The following NR1H4 variants were observed in gnomAD, a reference collection of about 807,000 sequenced individuals.
NR1H4 encodes nuclear receptor subfamily 1 group H member 4, also known as bile acid receptor.
In NR1H4, 23 loss-of-function variants were observed where a neutral mutation model predicts 58.5. The observed-to-expected ratio is 0.39, with a 90% CI of 0.28 to 0.56. The LOEUF (loss-of-function observed/expected upper bound fraction) is 0.56, where lower values mean the gene tolerates loss of function less well. Among genes scored for constraint, NR1H4 ranks in the 20% least tolerant of loss-of-function variants. The probability of loss-of-function intolerance (pLI) is 0.58; values close to 1 mark genes in which losing one functional copy is unlikely to be tolerated. For missense variants in NR1H4, 487 were observed against 576.9 expected (o/e 0.84, Z 1.60); for synonymous variants, 214 against 198.0 (o/e 1.08, Z -0.68).
In NR1H4 at chr12:100,549,430, T is replaced by C. The variant is rs78431733; in HGVS notation, c.1078+8612T>C. Among the ~76,000 whole-genome samples, 3,657 of 152,220 alleles carry C rather than the reference T, an allele frequency of 0.024. 309 individuals carry two copies. The East Asian group carries it at 0.3, about 12-fold the overall frequency. Reference sequence around the variant, plus strand: ...CACCTTCCCTGTAAGTGAATAATCCTGAAGTGTTACACATAACTTCTACTG... The same window carrying C: ...CACCTTCCCTGTAAGTGAATAATCCCGAAGTGTTACACATAACTTCTACTG... On this transcript the variant is annotated intron_variant, in intron 9 of 10. Transcript: ENST00000392986.
intron 1 of NR1H4, among the ~76,000 whole-genome samples, chr12:100,482,190 G>A (rs1161442555): frequency 6.6e-6 from 1 of 152,136 alleles, no homozygotes; most frequent in Non-Finnish European, 1.5e-5. Flanking sequence ...GTTCCCATGG[G>A]GAGACTGGAA....
chr12:100,531,046 A>G (rs1208520048), intron 4 of NR1H4, among the ~76,000 whole-genome samples: 2 of 152,232 alleles, frequency 1.3e-5, no homozygotes, highest in Non-Finnish European at 2.9e-5. Flanking sequence ...CCATGTGAAG[A>G]GAACCACATA....
rs1372401367 is a variant in NR1H4, at chr12:100,532,598, T to C, written c.586T>C (p.Cys196Arg). ...KCKEMGMLAECMYTGLLTEIQ... is the reference protein window; with the variant it reads ...KCKEMGMLAERMYTGLLTEIQ... ...CAAAGAGATGGGAATGTTGGCTGAA[T>C]GTATGTATACAGGTATTCACTTCAA... Residue 196 changes from cysteine to arginine, a missense_variant, in exon 5 of 11, where the codon TGT becomes CGT. Coordinates refer to ENST00000392986, the MANE Select transcript of NR1H4 (RefSeq NM_001206979.2). 1.2e-6 allele frequency: 2 copies of C among 1,614,108 alleles called. No individual in the cohort carries two copies. Among genetic ancestry groups the C allele is most frequent in the Non-Finnish European group, 1.7e-6 (2 of 1,179,958 alleles).
chr12:100,535,142 T>C lies in NR1H4; in HGVS notation c.732+119T>C, dbSNP rs993791296. ...AGGCACAGCTGAATTTCTAGTCCAATTGTTCATTAAAATGGATTCCTAATA... is the reference window on the plus strand; with the variant it reads ...AGGCACAGCTGAATTTCTAGTCCAACTGTTCATTAAAATGGATTCCTAATA... On this transcript the variant is annotated intron_variant, in intron 6 of 10. Coordinates refer to ENST00000392986, the MANE Select transcript of NR1H4 (RefSeq NM_001206979.2). The C allele has an allele frequency of 8.0e-6, 9 of 1,119,644 alleles. No homozygotes were observed. The Admixed American group carries it at 9.1e-5, about 11-fold the overall frequency. 69.4% of individuals were successfully genotyped at this position (1,119,644 alleles called of 1,614,324 possible).
chr12:100,528,750 T>C (rs1954622721), intron 4 of NR1H4, among the ~76,000 whole-genome samples: 1 of 152,226 alleles, frequency 6.6e-6, no homozygotes, highest in South Asian at 2.1e-4. Flanking sequence ...AATTCAGCTA[T>C]TGAGATGATA....
At chr12:100,491,417 A>G (rs1302165704) in intron 1 of NR1H4, among the ~76,000 whole-genome samples, 1 of 150,116 alleles carries the variant, frequency 6.7e-6, no homozygotes, top group Non-Finnish European at 1.5e-5. Context: ...GTTGCATTGG[A>G]CGGATCTGCC....
chr12:100,498,651 CA>C (rs965449659), intron 3 of NR1H4, among the ~76,000 whole-genome samples: 1 of 151,730 alleles, frequency 6.6e-6, no homozygotes, highest in Non-Finnish European at 1.5e-5. Context: ...AAAAAAACAC[CA>C]AAAAACAAAA....
In NR1H4 at chr12:100,510,901, C is replaced by T; in HGVS notation, c.203C>T (p.Ser68Phe). 6.2e-7 allele frequency: 1 copy of T among 1,614,188 alleles called. No homozygotes were observed. Among genetic ancestry groups the T allele is most frequent in the Non-Finnish European group, 8.5e-7 (1 of 1,180,032 alleles). Residue 68 changes from serine (S) to phenylalanine (F), a missense_variant, in exon 4 of 11, where the codon TCC (serine) becomes TTC (phenylalanine). Coordinates refer to ENST00000392986, the MANE Select transcript of NR1H4 (RefSeq NM_001206979.2). ...CAGATTTCCTCGTCATCCTATTATT[C>T]CAACCTGGGTTTCTACCCCCAGCAG... Reference protein sequence around the residue: ...QPQISSSSYYSNLGFYPQQPE... With the variant: ...QPQISSSSYYFNLGFYPQQPE...
chr12:100,545,238 C>T (rs1022257725), intron 9 of NR1H4, among the ~76,000 whole-genome samples: 19 of 151,708 alleles, frequency 1.3e-4, no homozygotes, highest in African/African-American at 3.9e-4. Context: ...CTTCCCCAGC[C>T]TGGCTGAGGT....
intron 8 of NR1H4, 38 bp from the exon 9 acceptor site, chr12:100,540,634 T>C (rs750343707): frequency 8.7e-6 from 14 of 1,602,670 alleles, no homozygotes; most frequent in Non-Finnish European, 1.1e-5. Context: ...GAAATATTGT[T>C]ACTCCTTGAT....
intron 10 of NR1H4, among the ~76,000 whole-genome samples, chr12:100,562,944 C>G (rs969148395): frequency 2.6e-5 from 4 of 152,190 alleles, no homozygotes; most frequent in Non-Finnish European, 5.9e-5. Flanking sequence ...TCCTATGACC[C>G]AGTGATTTCA....
intron 3 of NR1H4, among the ~76,000 whole-genome samples, chr12:100,509,264 C>T (rs145512914): frequency 6.6e-6 from 1 of 152,168 alleles, no homozygotes; most frequent in African/African-American, 2.4e-5. Context: ...TTTGAAGAGT[C>T]AGACACATTT....
intron 4 of NR1H4, among the ~76,000 whole-genome samples, chr12:100,517,186 C>T (rs901217530): frequency 2.6e-5 from 4 of 152,048 alleles, no homozygotes; most frequent in African/African-American, 9.7e-5. Context: ...GTCCCCTTCT[C>T]CCCCCATCCT....
intron 9 of NR1H4, among the ~76,000 whole-genome samples, chr12:100,543,086 G>T (rs1954975103): frequency 6.6e-6 from 1 of 152,114 alleles, no homozygotes; most frequent in South Asian, 2.1e-4. Context: ...TTTGAGCTGG[G>T]ACTTGAATGA....
intron 4 of NR1H4, among the ~76,000 whole-genome samples, chr12:100,514,167 G>A (rs892530362): frequency 3.9e-5 from 6 of 152,118 alleles, no homozygotes; most frequent in Admixed American, 3.3e-4. Flanking sequence ...AGGTGGTAAC[G>A]AACTTCTCAT....
intron 3 of NR1H4, among the ~76,000 whole-genome samples, chr12:100,504,995 G>A (rs1297873106): frequency 6.6e-6 from 1 of 152,142 alleles, no homozygotes; most frequent in East Asian, 1.9e-4. Context: ...ACAAGGCAGG[G>A]AGAGGCACTG....
chr12:100,560,183 T>C (rs1955433622), intron 9 of NR1H4, among the ~76,000 whole-genome samples: 1 of 152,150 alleles, frequency 6.6e-6, no homozygotes, highest in Non-Finnish European at 1.5e-5. Flanking sequence ...GGATTGTAAA[T>C]GTACCAATCA....
At chr12:100,547,775 A>G (rs1408888060) in intron 9 of NR1H4, among the ~76,000 whole-genome samples, 1 of 151,738 alleles carries the variant, frequency 6.6e-6, no homozygotes, top group Non-Finnish European at 1.5e-5. Flanking sequence ...GCTGGAGTGC[A>G]GTGACCGTGA....
chr12:100,548,556 C>T (rs578002682), intron 9 of NR1H4, among the ~76,000 whole-genome samples: 97 of 152,166 alleles, frequency 6.4e-4, no homozygotes, highest in Non-Finnish European at 1.0e-3. Context: ...CACTTAGCTT[C>T]GAATCTTATC....
Sources: gnomAD v4.1 joint callset for allele counts (sites outside exome capture counted in the v4.1 genomes callset) on GRCh38, gnomAD v4.1.1 for gene constraint, MANE v1.5 for transcripts, NCBI Gene and HGNC (gene_info 2026-07-23, HGNC 2026-07-21) for gene names.